Variants in NIN observed in about 807,000 individuals in gnomAD.
NIN encodes the protein ninein.
Under a neutral mutation model 257.6 loss-of-function variants are expected in NIN, and 137 were observed. That is an observed-to-expected ratio of 0.53 (90% CI 0.46 to 0.61). NIN has a LOEUF of 0.61. Among genes scored for constraint, NIN ranks in the 20% least tolerant of loss-of-function variants. The probability of loss-of-function intolerance (pLI) is 0.00; values close to 1 mark genes in which losing one functional copy is unlikely to be tolerated. For missense variants in NIN, 2,439 were observed against 2,501.2 expected (o/e 0.98, Z 0.53); for synonymous variants, 918 against 919.8 (o/e 1.00, Z 0.04).
chr14:50,738,410 C>A, intron 26 of NIN, 124 bp from the exon 27 acceptor site: 1 of 800,776 alleles, frequency 1.2e-6, no homozygotes, highest in Non-Finnish European at 2.0e-6. Context: ...TTCAATCAAG[C>A]CTGTAAATAC....
chr14:50,771,203 T>C (rs2042719408), intron 10 of NIN, 129 bp downstream of exon 10: 1 of 1,222,130 alleles, frequency 8.2e-7, no homozygotes, highest in East Asian at 2.4e-5. Context: ...GGAAGATGTG[T>C]GCAGCAGTTG....
chr14:50,724,635 G>C (rs940508549), intron 30 of NIN, among the ~76,000 whole-genome samples: 1 of 152,042 alleles, frequency 6.6e-6, no homozygotes. Flanking sequence ...CTCAGCACTG[G>C]AGGCCTACTG....
At position 50,729,541 on chromosome 14, in the gene NIN, G is replaced by A. The variant is rs139443854; in HGVS notation, c.6060C>T (p.Ser2020=). 3.1e-5 allele frequency: 50 copies of A among 1,613,742 alleles called. No individual in the cohort carries two copies. The highest frequency in any genetic ancestry group is 2.5e-4 in the South Asian group (23 of 91,008). The stretch of plus-strand genomic sequence containing the variant: ...TTCATACCTGTGGTGTGTTGGTTTC[G>A]GAGGTCCTGTTTTCAAGTTCCTCCT... ...HLQEELENRT[S]ETNTPQGNQE... is the part of the protein sequence containing the mutation. Residue 2020 remains serine, a synonymous_variant, in exon 29 of 31, where the codon TCC becomes TCT. Transcript: ENST00000530997.
At chr14:50,824,182 AT>A (rs527970907) in intron 2 of NIN, among the ~76,000 whole-genome samples, 275 of 152,208 alleles carry the variant, frequency 1.8e-3, no homozygotes, top group Non-Finnish European at 3.4e-3. Context: ...CTTTTTAAAA[AT>A]TATTTTTAAG....
At chr14:50,827,077 C>G (rs1223054078) in intron 2 of NIN, among the ~76,000 whole-genome samples, 2 of 152,192 alleles carry the variant, frequency 1.3e-5, no homozygotes, top group African/African-American at 4.8e-5. Flanking sequence ...CCTAATAACG[C>G]CAATGATCAA....
Position 50,794,482 on chromosome 14 carries a change from C to G in NIN, c.266-1601G>C, listed in dbSNP as rs2043747734. On this transcript the variant is annotated intron_variant, in intron 4 of 30. Transcript: ENST00000530997. The stretch of plus-strand genomic sequence containing the variant: ...TCAGCTTGTGACCATTCAGGAGCGG[C>G]CCAGACACCCGAGCTACTTGTTGGC... The G allele has an allele frequency of 4.0e-6, 4 of 999,568 alleles. No individual in the cohort carries two copies. The African/African-American group carries it at 6.9e-5, about 17-fold the overall frequency. The allele number at this position is 999,568 out of a possible 1,614,324, so 61.9% of individuals were successfully genotyped here.
intron 4 of NIN, among the ~76,000 whole-genome samples, chr14:50,793,468 C>T (rs2043692110): frequency 6.6e-6 from 1 of 151,898 alleles, no homozygotes; most frequent in South Asian, 2.1e-4. Context: ...TATATGAAAC[C>T]CGGCATCAAG....
intron 2 of NIN, among the ~76,000 whole-genome samples, chr14:50,829,779 G>A (rs574047850): frequency 6.6e-6 from 1 of 152,256 alleles, no homozygotes; most frequent in South Asian, 2.1e-4. Context: ...TAGGGAAATT[G>A]CCTCTTTCCG....
Position 50,758,410 on chromosome 14 carries a change from C to G in NIN, c.2620G>C (p.Glu874Gln). Residue 874 changes from glutamate (E) to glutamine (Q), a missense_variant, in exon 18 of 31, where the codon GAG becomes CAG. Around this residue, in one of 3 missense-constraint regions of NIN, gnomAD observed 2,043 missense variants for 2,050.2 expected, o/e 1.00. Transcript: ENST00000530997. Reference sequence around the variant, plus strand: ...CTCTTAAGAGTCTCTTTCAGCAGCTCCTGGGCTTCCGCACACTCCTGGGTG... The same window carrying G: ...CTCTTAAGAGTCTCTTTCAGCAGCTGCTGGGCTTCCGCACACTCCTGGGTG... Reference protein sequence around the residue: ...ELTQECAEAQELLKETLKREK... With the variant: ...ELTQECAEAQQLLKETLKREK... The G allele has an allele frequency of 1.2e-6, 2 of 1,614,018 alleles. No individual in the cohort carries two copies. Among genetic ancestry groups the G allele is most frequent in the Non-Finnish European group, 1.7e-6 (2 of 1,179,880 alleles).
At chr14:50,763,473 C>T (rs554558255) in intron 15 of NIN, among the ~76,000 whole-genome samples, 1 of 152,334 alleles carries the variant, frequency 6.6e-6, no homozygotes, top group East Asian at 1.9e-4. Flanking sequence ...ACACTCTCTT[C>T]GAAGAGGACA....
chr14:50,763,462 CACA>C (rs2042350547), intron 15 of NIN, among the ~76,000 whole-genome samples: 1 of 152,214 alleles, frequency 6.6e-6, no homozygotes, highest in African/African-American at 2.4e-5. Context: ...ATATGAGTTA[CACA>C]CTCTCTTCGA....
Position 50,743,423 on chromosome 14 carries a change from T to A in NIN, c.5294A>T (p.Gln1765Leu). ...CAAGAATTGTCCATGTACCTTTTCCTGAGAAGCCACCAGCTGTGACTTTAA... is the reference window on the plus strand; with the variant it reads ...CAAGAATTGTCCATGTACCTTTTCCAGAGAAGCCACCAGCTGTGACTTTAA... ...ASLKSQLVAS[Q>L]EKVQNLEDTV... Residue 1765 changes from glutamine to leucine, a missense_variant, in exon 24 of 31, where the codon CAG (glutamine) becomes CTG (leucine). Physicochemically the swap from Gln to Leu is moderately radical, Grantham distance 113. This residue lies in a region of NIN where 2,043 missense variants were observed against 2,050.2 expected (regional missense o/e 1.00). Coordinates refer to ENST00000530997, the MANE Select transcript of NIN (RefSeq NM_020921.4). 6.2e-7 allele frequency: 1 copy of A among 1,600,966 alleles called. No individual in the cohort carries two copies. The highest frequency in any genetic ancestry group is 8.6e-7 in the Non-Finnish European group (1 of 1,168,012).
chr14:50,798,925 C>T (rs936614590), intron 4 of NIN, among the ~76,000 whole-genome samples: 34 of 152,142 alleles, frequency 2.2e-4, no homozygotes, highest in Admixed American at 1.3e-4. Flanking sequence ...ACTATAGGCA[C>T]GTGCCACCAC....
At chr14:50,798,802 C>T (rs375646911) in intron 4 of NIN, among the ~76,000 whole-genome samples, 10 of 152,306 alleles carry the variant, frequency 6.6e-5, no homozygotes, top group South Asian at 4.1e-4. Flanking sequence ...TTATTTGAGA[C>T]GGAGTCTCGC....
In NIN at chr14:50,758,162, G is replaced by A; in HGVS notation, c.2868C>T (p.Cys956=). Residue 956 remains cysteine, a synonymous_variant, in exon 18 of 31, where the codon TGC becomes TGT. Coordinates refer to ENST00000530997, the MANE Select transcript of NIN (RefSeq NM_020921.4). ...CCAGCTGCTCCGAAGCCCCTGCCTG[G>A]CACAGGACCTCCTCACGCTCCCTCA... ...RELREREEVL[C]QAGASEQLAS... 1.2e-6 allele frequency: 2 copies of A among 1,614,168 alleles called. No individual in the cohort carries two copies. Among genetic ancestry groups the A allele is most frequent in the African/African-American group, 1.3e-5 (1 of 75,052 alleles).
At chr14:50,811,833 A>C in intron 3 of NIN, among the ~76,000 whole-genome samples, 1 of 152,064 alleles carries the variant, frequency 6.6e-6, no homozygotes, top group Middle Eastern at 3.2e-3. Context: ...TCTCTATTAA[A>C]AATACAAAAA....
chr14:50,758,002 T>G lies in NIN; in HGVS notation c.3028A>C (p.Thr1010Pro). ...TTACTCTGAAGTCTGGAGATTTCTG[T>G]GCTCATCTCGGCTCTTTCTCGATCT... is the stretch of plus-strand genomic sequence containing the variant. ...TADRERAEMSTEISRLQSKIK... is the reference protein window; with the variant it reads ...TADRERAEMSPEISRLQSKIK... Residue 1010 changes from threonine (T) to proline (P), a missense_variant, in exon 18 of 31, where the codon ACA becomes CCA. Transcript: ENST00000530997. 1 of 1,614,222 alleles carries G rather than the reference T, an allele frequency of 6.2e-7. No individual in the cohort carries two copies. Among genetic ancestry groups the G allele is most frequent in the Non-Finnish European group, 8.5e-7 (1 of 1,180,040 alleles).
chr14:50,737,329 T>G (rs114615734), intron 27 of NIN, among the ~76,000 whole-genome samples: 2,280 of 152,124 alleles, frequency 0.015, 62 homozygotes, highest in African/African-American at 0.051. Context: ...AATGAGCTTG[T>G]AAAGTAGATC....
At chr14:50,756,073 T>C (rs966936593) in intron 18 of NIN, among the ~76,000 whole-genome samples, 2 of 151,946 alleles carry the variant, frequency 1.3e-5, no homozygotes, top group African/African-American at 4.8e-5. Flanking sequence ...TGAGTTCTTA[T>C]CTACTAAGTT....
Sources: gnomAD v4.1 joint callset for allele counts (sites outside exome capture counted in the v4.1 genomes callset) on GRCh38, gnomAD v4.1.1 for gene constraint, gnomAD v4.1.1 regional missense constraint, MANE v1.5 for transcripts, NCBI Gene and HGNC (gene_info 2026-07-23, HGNC 2026-07-21) for gene names.